AGBL4: variants seen among roughly 807,000 people sequenced by gnomAD.
AGBL4 encodes the protein cytosolic carboxypeptidase 6.
Under a neutral mutation model 66.4 loss-of-function variants are expected in AGBL4, and 58 were observed. The observed-to-expected ratio is 0.87, with a 90% CI of 0.71 to 1.09. The LOEUF (loss-of-function observed/expected upper bound fraction) is 1.09, where lower values mean the gene tolerates loss of function less well. Ranked by LOEUF, AGBL4 falls within the 50% of genes least tolerant of loss-of-function variation. The pLI is 0.00. For synonymous variants in AGBL4, 234 were observed against 222.9 expected (o/e 1.05, Z -0.44); for missense variants, 579 against 631.0 (o/e 0.92, Z 0.88).
intron 9 of AGBL4, among the ~76,000 whole-genome samples, chr1:48,622,817 T>G (rs746501633): frequency 2.6e-5 from 4 of 152,148 alleles, no homozygotes; most frequent in Non-Finnish European, 5.9e-5. Flanking sequence ...AATAGTTAAA[T>G]TTTTTTGAGA....
intron 2 of AGBL4, among the ~76,000 whole-genome samples, chr1:49,798,033 A>G (rs538937917): frequency 1.3e-5 from 2 of 152,252 alleles, no homozygotes; most frequent in East Asian, 3.9e-4. Flanking sequence ...TACGGGCATG[A>G]GCCACCTTGC....
intron 4 of AGBL4, among the ~76,000 whole-genome samples, chr1:49,115,855 A>G (rs1423686061): frequency 6.6e-6 from 1 of 152,128 alleles, no homozygotes; most frequent in Non-Finnish European, 1.5e-5. Context: ...CTGAGTACAC[A>G]TATCAAAACC....
chr1:49,477,084 C>T (rs139493747), intron 3 of AGBL4, among the ~76,000 whole-genome samples: 3,814 of 152,102 alleles, frequency 0.025, 164 homozygotes, highest in Admixed American at 0.11. Flanking sequence ...TTTAAGTTTT[C>T]GACTCTAGTC....
intron 3 of AGBL4, among the ~76,000 whole-genome samples, chr1:49,561,569 G>A (rs898904616): frequency 4.7e-5 from 7 of 150,332 alleles, no homozygotes; most frequent in Non-Finnish European, 1.0e-4. Context: ...TTGGTTTTTT[G>A]TCCTTGTGAT....
intron 5 of AGBL4, among the ~76,000 whole-genome samples, chr1:48,934,713 G>A (rs1024652498): frequency 6.6e-6 from 1 of 152,120 alleles, no homozygotes; most frequent in African/African-American, 2.4e-5. Flanking sequence ...CCTACAACCA[G>A]TCTCCATAGA....
chr1:49,462,269 C>T (rs2148700316), intron 3 of AGBL4, among the ~76,000 whole-genome samples: 1 of 151,788 alleles, frequency 6.6e-6, no homozygotes, highest in South Asian at 2.1e-4. Context: ...TATTTATTTA[C>T]TGTGCATTTG....
intron 3 of AGBL4, among the ~76,000 whole-genome samples, chr1:49,669,317 T>C (rs576024828): frequency 6.6e-6 from 1 of 152,208 alleles, no homozygotes; most frequent in East Asian, 1.9e-4. Context: ...TGAAGGATCC[T>C]GTATGTTATT....
intron 3 of AGBL4, among the ~76,000 whole-genome samples, chr1:49,538,368 A>G (rs938763600): frequency 6.6e-6 from 1 of 152,234 alleles, no homozygotes; most frequent in African/African-American, 2.4e-5. Context: ...TAATGCATAC[A>G]CATAACAGAC....
At chr1:48,820,432 C>T (rs903866531) in intron 6 of AGBL4, among the ~76,000 whole-genome samples, 1 of 152,116 alleles carries the variant, frequency 6.6e-6, no homozygotes, top group African/African-American at 2.4e-5. Context: ...ATGAGTTTAA[C>T]ACTTAAATTG....
chr1:48,681,107 C>T (rs1417484831), intron 6 of AGBL4, among the ~76,000 whole-genome samples: 1 of 152,208 alleles, frequency 6.6e-6, no homozygotes, highest in Non-Finnish European at 1.5e-5. Context: ...GTGGAAATTA[C>T]TGGCTAGAAC....
intron 3 of AGBL4, among the ~76,000 whole-genome samples, chr1:49,254,634 T>C (rs1013684235): frequency 1.3e-5 from 2 of 152,130 alleles, no homozygotes; most frequent in African/African-American, 4.8e-5. Context: ...AAACTACCAT[T>C]GAGATTCTTC....
intron 3 of AGBL4, among the ~76,000 whole-genome samples, chr1:49,329,760 C>T (rs1645296339): frequency 1.3e-5 from 2 of 152,044 alleles, no homozygotes; most frequent in South Asian, 4.2e-4. Context: ...AAGTGTGGCC[C>T]ATTAATGCTA....
chr1:49,494,946 T>C (rs931813401), intron 3 of AGBL4, among the ~76,000 whole-genome samples: 1 of 152,074 alleles, frequency 6.6e-6, no homozygotes, highest in Non-Finnish European at 1.5e-5. Flanking sequence ...GTTTCCTGAC[T>C]TTTAGTACAA....
chr1:48,946,842 G>A (rs1262181717), intron 5 of AGBL4, among the ~76,000 whole-genome samples: 1 of 152,170 alleles, frequency 6.6e-6, no homozygotes, highest in East Asian at 1.9e-4. Context: ...TGACATCCCG[G>A]AGGAAGTAAA....
At chr1:49,786,724 C>A (rs1445596173) in intron 2 of AGBL4, among the ~76,000 whole-genome samples, 1 of 152,038 alleles carries the variant, frequency 6.6e-6, no homozygotes, top group African/African-American at 2.4e-5. Context: ...GCCCTGGATC[C>A]TTTATATTTA....
intron 3 of AGBL4, among the ~76,000 whole-genome samples, chr1:49,603,373 T>G (rs1244394979): frequency 3.3e-5 from 5 of 151,594 alleles, no homozygotes; most frequent in African/African-American, 9.7e-5. Context: ...AAGGGAACAG[T>G]TATTAGCCAG....
chr1:49,400,301 G>A (rs1339855603), intron 3 of AGBL4, among the ~76,000 whole-genome samples: 5 of 152,120 alleles, frequency 3.3e-5, no homozygotes, highest in Non-Finnish European at 7.4e-5. Flanking sequence ...AGCATAATCT[G>A]AAGTCAGGTA....
intron 1 of AGBL4, among the ~76,000 whole-genome samples, chr1:50,020,393 C>A (rs1662357898): frequency 6.6e-6 from 1 of 152,030 alleles, no homozygotes; most frequent in African/African-American, 2.4e-5. Flanking sequence ...AGCTATCCTG[C>A]AAATATCATC....
intron 5 of AGBL4, among the ~76,000 whole-genome samples, chr1:48,981,579 G>A (rs1018801632): frequency 1.3e-5 from 2 of 152,102 alleles, no homozygotes; most frequent in Non-Finnish European, 2.9e-5. Flanking sequence ...CAGGATGATA[G>A]ATGCAATAAT....
Sources: allele counts gnomAD v4.1 joint callset (sites outside exome capture counted in the v4.1 genomes callset), GRCh38; gene constraint gnomAD v4.1.1; transcripts MANE v1.5; gene names NCBI Gene and HGNC (gene_info 2026-07-23, HGNC 2026-07-21).